The following DLGAP1 variants were observed in gnomAD, a reference collection of about 807,000 sequenced individuals.
DLGAP1 encodes the protein disks large-associated protein 1.
In DLGAP1, 11 loss-of-function variants were observed where a neutral mutation model predicts 90.8. The observed-to-expected ratio is 0.12, with a 90% confidence interval of 0.08 to 0.20. The LOEUF is 0.20. Among genes scored for constraint, DLGAP1 ranks in the 10% least tolerant of loss-of-function variants. The pLI is 1.00. For missense variants in DLGAP1, 1,050 were observed against 1,333.8 expected (o/e 0.79, Z 3.31); for synonymous variants, 558 against 540.7 (o/e 1.03, Z -0.44).
chr18:4,381,549 A>G (rs1381004818), intron 1 of DLGAP1, among the ~76,000 whole-genome samples: 3 of 152,088 alleles, frequency 2.0e-5, no homozygotes, highest in Admixed American at 1.3e-4. Flanking sequence ...CCTCCTTTCT[A>G]ACAGTCTGTC....
intron 2 of DLGAP1, among the ~76,000 whole-genome samples, chr18:4,088,903 G>T (rs2075726824): frequency 6.6e-6 from 1 of 152,174 alleles, no homozygotes; most frequent in South Asian, 2.1e-4. Flanking sequence ...AGACAAGGAT[G>T]CCCTCTCTCA....
At chr18:3,951,321 T>C (rs2072980654) in intron 3 of DLGAP1, among the ~76,000 whole-genome samples, 1 of 152,272 alleles carries the variant, frequency 6.6e-6, no homozygotes, top group African/African-American at 2.4e-5. Context: ...TCTTCTAATA[T>C]ATTTAAGTTC....
At chr18:3,870,912 C>A (rs2070713291) in intron 4 of DLGAP1, among the ~76,000 whole-genome samples, 1 of 152,178 alleles carries the variant, frequency 6.6e-6, no homozygotes, top group Admixed American at 6.5e-5. Context: ...ACACCAATTT[C>A]TTTTCTTTGG....
chr18:4,326,870 G>A (rs1399683320), intron 1 of DLGAP1, among the ~76,000 whole-genome samples: 2 of 152,028 alleles, frequency 1.3e-5, no homozygotes, highest in African/African-American at 4.8e-5. Flanking sequence ...GTAGGAGAAG[G>A]GAGAGAATCA....
At chr18:4,223,924 T>TG (rs2078132003) in intron 1 of DLGAP1, among the ~76,000 whole-genome samples, 1 of 152,236 alleles carries the variant, frequency 6.6e-6, no homozygotes, top group Non-Finnish European at 1.5e-5. Flanking sequence ...TGTAACCTCA[T>TG]GACATTTTTA....
chr18:3,649,032 G>A (rs1215867422), intron 7 of DLGAP1, among the ~76,000 whole-genome samples: 2 of 152,204 alleles, frequency 1.3e-5, no homozygotes, highest in Non-Finnish European at 2.9e-5. Flanking sequence ...TTTATGAAAA[G>A]TTCCTCTCTG....
chr18:3,670,744 C>T (rs2060059094), intron 7 of DLGAP1, among the ~76,000 whole-genome samples: 1 of 152,162 alleles, frequency 6.6e-6, no homozygotes, highest in Non-Finnish European at 1.5e-5. Flanking sequence ...TCTGATTATA[C>T]CTGCTTGTAT....
chr18:3,919,250 A>G (rs932652219), intron 3 of DLGAP1, among the ~76,000 whole-genome samples: 2 of 152,202 alleles, frequency 1.3e-5, no homozygotes, highest in Non-Finnish European at 2.9e-5. Flanking sequence ...GAAGGTACCT[A>G]TGGGCAAATT....
Position 3,700,196 on chromosome 18 carries a change from G to A in DLGAP1, c.1591+28939C>T, listed in dbSNP as rs151325521. The stretch of plus-strand genomic sequence containing the variant: ...TGAAAAAACTCCCGCAGCTAGCTAG[G>A]TGTCTGTCTAAATAGCCACCCAGTT... On this transcript the variant is annotated intron_variant, in intron 7 of 12. Coordinates refer to ENST00000315677, the MANE Select transcript of DLGAP1 (RefSeq NM_004746.4). Among the ~76,000 whole-genome samples the A allele has an allele frequency of 2.2e-3, 341 of 152,306 alleles. 1 individual carries two copies. The highest frequency in any genetic ancestry group is 3.5e-3 in the Non-Finnish European group (238 of 68,032).
intron 1 of DLGAP1, among the ~76,000 whole-genome samples, chr18:4,409,792 C>T (rs1444516050): frequency 6.6e-6 from 1 of 151,884 alleles, no homozygotes; most frequent in East Asian, 1.9e-4. Context: ...ATTTGTTTGA[C>T]CCTCTACTGG....
intron 2 of DLGAP1, among the ~76,000 whole-genome samples, chr18:4,140,476 A>G (rs749162747): frequency 6.6e-6 from 1 of 151,862 alleles, no homozygotes; most frequent in Non-Finnish European, 1.5e-5. Flanking sequence ...ATCTTATTCT[A>G]CTGTCTATAT....
At chr18:3,546,032 T>C (rs1647730389) in intron 9 of DLGAP1, among the ~76,000 whole-genome samples, 1 of 152,202 alleles carries the variant, frequency 6.6e-6, no homozygotes, top group African/African-American at 2.4e-5. Context: ...TCAACAATAC[T>C]TTCTCGATAA....
At chr18:3,841,406 C>G (rs930689851) in intron 4 of DLGAP1, among the ~76,000 whole-genome samples, 1 of 152,162 alleles carries the variant, frequency 6.6e-6, no homozygotes, top group Non-Finnish European at 1.5e-5. Context: ...GGGAAAAATA[C>G]ACTCAGGGCT....
intron 2 of DLGAP1, among the ~76,000 whole-genome samples, chr18:4,091,092 T>C (rs2075767358): frequency 6.6e-6 from 1 of 152,052 alleles, no homozygotes; most frequent in African/African-American, 2.4e-5. Flanking sequence ...GGGCCTATTG[T>C]TGGGGTGGGG....
At chr18:3,658,669 T>C (rs1051235863) in intron 7 of DLGAP1, among the ~76,000 whole-genome samples, 2 of 152,224 alleles carry the variant, frequency 1.3e-5, no homozygotes, top group African/African-American at 4.8e-5. Flanking sequence ...GTCAGGCAAC[T>C]AAACCAAAAC....
At chr18:3,542,746 G>C (rs983918742) in intron 9 of DLGAP1, among the ~76,000 whole-genome samples, 5 of 152,308 alleles carry the variant, frequency 3.3e-5, no homozygotes, top group African/African-American at 1.2e-4. Flanking sequence ...CAGTTGTGAA[G>C]ATGGGCGATG....
intron 2 of DLGAP1, among the ~76,000 whole-genome samples, chr18:4,070,748 A>G (rs2075435257): frequency 6.6e-6 from 1 of 152,144 alleles, no homozygotes; most frequent in Admixed American, 6.5e-5. Flanking sequence ...ATAATCATAA[A>G]CGTAAACAAG....
intron 2 of DLGAP1, among the ~76,000 whole-genome samples, chr18:4,011,011 AC>A (rs1464772924): frequency 6.6e-6 from 1 of 151,880 alleles, no homozygotes; most frequent in African/African-American, 2.4e-5. Context: ...TCCCGTCTCT[AC>A]TAAAAATACA....
In DLGAP1 at chr18:3,947,057, C is replaced by T. The variant is rs150067281; in HGVS notation, c.-73+58059G>A. On this transcript the variant is annotated intron_variant, in intron 3 of 12. Coordinates refer to ENST00000315677, the MANE Select transcript of DLGAP1 (RefSeq NM_004746.4). ...TGAAGGCAGCTAGAGAGGAGAGAGA[C>T]GTCTTGACTTTCCCAATGCTCCACT... Among the ~76,000 whole-genome samples, 21 of 152,204 alleles carry T rather than the reference C, an allele frequency of 1.4e-4. 1 individual carries two copies. The East Asian group carries it at 2.7e-3, about 20-fold the overall frequency.
Sources: allele counts gnomAD v4.1 joint callset (sites outside exome capture counted in the v4.1 genomes callset), GRCh38; gene constraint gnomAD v4.1.1; transcripts MANE v1.5; gene names NCBI Gene and HGNC (gene_info 2026-07-23, HGNC 2026-07-21).